The following ROBO2 variants were observed in gnomAD, a reference collection of about 807,000 sequenced individuals.
ROBO2 encodes roundabout guidance receptor 2.
In ROBO2, 53 loss-of-function variants were observed where a neutral mutation model predicts 160.8. That is an observed-to-expected ratio of 0.33 (90% CI 0.26 to 0.41). ROBO2 has a LOEUF of 0.41. Among genes scored for constraint, ROBO2 ranks in the 10% least tolerant of loss-of-function variants. The pLI is 1.00. For missense variants in ROBO2, 1,577 were observed against 1,722.4 expected (o/e 0.92, Z 1.49); for synonymous variants, 664 against 611.7 (o/e 1.09, Z -1.26).
chr3:76,621,133 T>TC (rs1253110148), intron 2 of ROBO2, among the ~76,000 whole-genome samples: 1 of 123,356 alleles, frequency 8.1e-6, no homozygotes, highest in Non-Finnish European at 1.9e-5. Context: ...AGTTTATGCT[T>TC]TTTTTTTTTT....
chr3:76,988,185 A>G (rs920391353), intron 2 of ROBO2, among the ~76,000 whole-genome samples: 7 of 152,250 alleles, frequency 4.6e-5, no homozygotes, highest in Non-Finnish European at 8.8e-5. Context: ...ATTTTTATTA[A>G]CCCTAAAGGT....
intron 2 of ROBO2, among the ~76,000 whole-genome samples, chr3:76,493,960 G>T (rs2079995164): frequency 6.6e-6 from 1 of 152,142 alleles, no homozygotes; most frequent in Non-Finnish European, 1.5e-5. Context: ...TGCTTTTAAA[G>T]TACGTCCATA....
intron 2 of ROBO2, among the ~76,000 whole-genome samples, chr3:76,331,356 T>C (rs1409727444): frequency 6.6e-6 from 1 of 152,156 alleles, no homozygotes; most frequent in Non-Finnish European, 1.5e-5. Context: ...GAATAACTTA[T>C]TTTTTATATA....
intron 2 of ROBO2, among the ~76,000 whole-genome samples, chr3:76,703,485 A>G (rs1255030806): frequency 1.3e-5 from 2 of 152,096 alleles, no homozygotes; most frequent in Non-Finnish European, 2.9e-5. Context: ...CACCTACATT[A>G]GGTATTTCTC....
intron 24 of ROBO2, among the ~76,000 whole-genome samples, chr3:77,639,446 AT>A (rs1389630713): frequency 6.6e-6 from 1 of 152,098 alleles, no homozygotes; most frequent in African/African-American, 2.4e-5. Flanking sequence ...GGGAGGAAGT[AT>A]TTTTAAGTAG....
intron 2 of ROBO2, among the ~76,000 whole-genome samples, chr3:76,068,887 A>G (rs1489097): frequency 0.62 from 94,787 of 151,996 alleles, 30,200 homozygotes; most frequent in African/African-American, 0.75. Flanking sequence ...TCCTTAAAAC[A>G]TATTTGTCAC....
At chr3:77,380,378 C>G (rs1188298988) in intron 2 of ROBO2, among the ~76,000 whole-genome samples, 2 of 152,114 alleles carry the variant, frequency 1.3e-5, no homozygotes, top group African/African-American at 2.4e-5. Flanking sequence ...TATCGTTCCT[C>G]TCTGTCATAT....
intron 2 of ROBO2, among the ~76,000 whole-genome samples, chr3:76,380,498 G>C (rs183429521): frequency 6.8e-4 from 104 of 152,212 alleles, no homozygotes; most frequent in Non-Finnish European, 8.2e-4. Context: ...CCCAGCCCAA[G>C]ACAGGAGGAC....
chr3:76,877,375 A>G (rs1290365885), intron 2 of ROBO2, among the ~76,000 whole-genome samples: 1 of 152,200 alleles, frequency 6.6e-6, no homozygotes, highest in Admixed American at 6.5e-5. Context: ...TTAATTTAGT[A>G]TTCTGTGCTC....
chr3:76,102,969 C>G, intron 2 of ROBO2, among the ~76,000 whole-genome samples: 1 of 151,944 alleles, frequency 6.6e-6, no homozygotes, highest in East Asian at 1.9e-4. Context: ...GGACTGCAGG[C>G]GCCGCCACCA....
intron 2 of ROBO2, among the ~76,000 whole-genome samples, chr3:75,939,071 G>C (rs534075084): frequency 2.6e-5 from 4 of 152,104 alleles, no homozygotes; most frequent in African/African-American, 9.6e-5. Context: ...CTGTTTCTCT[G>C]TAATAGTGAT....
At chr3:76,925,226 A>AT (rs763249721) in intron 2 of ROBO2, among the ~76,000 whole-genome samples, 14,972 of 150,300 alleles carry the variant, frequency 0.1, 942 homozygotes, top group African/African-American at 0.16. Flanking sequence ...AAAAAAAAAA[A>AT]AAAAATCTGG....
At chr3:76,325,034 G>T (rs1259351108) in intron 2 of ROBO2, among the ~76,000 whole-genome samples, 1 of 152,212 alleles carries the variant, frequency 6.6e-6, no homozygotes, top group Non-Finnish European at 1.5e-5. Context: ...GAACCCGGGA[G>T]GCGGAGCTTG....
intron 2 of ROBO2, among the ~76,000 whole-genome samples, chr3:77,393,709 A>G (rs1249705609): frequency 1.3e-5 from 2 of 151,330 alleles, no homozygotes; most frequent in Non-Finnish European, 2.9e-5. Context: ...AAGTTATTAC[A>G]TTCTGCACAG....
intron 1 of ROBO2, among the ~76,000 whole-genome samples, chr3:77,072,998 A>G (rs914022486): frequency 2.0e-5 from 3 of 152,232 alleles, no homozygotes; most frequent in African/African-American, 7.2e-5. Context: ...TTTTACAAAC[A>G]TGAACAGAAA....
At chr3:77,274,487 CTTTA>C (rs748778786) in intron 2 of ROBO2, among the ~76,000 whole-genome samples, 9 of 152,036 alleles carry the variant, frequency 5.9e-5, no homozygotes, top group Non-Finnish European at 1.3e-4. Context: ...TGAGTAACAA[CTTTA>C]TTTGTCACTT....
At chr3:76,784,859 A>G (rs1238540939) in intron 2 of ROBO2, among the ~76,000 whole-genome samples, 1 of 151,240 alleles carries the variant, frequency 6.6e-6, no homozygotes, top group Non-Finnish European at 1.5e-5. Context: ...GGGTTGGGCA[A>G]GACAAACATG....
chr3:76,684,718 T>G lies in ROBO2; in HGVS notation c.110-413296T>G, dbSNP rs549651240. On this transcript the variant is annotated intron_variant, in intron 2 of 26. Transcript: ENST00000487694. ...TGTAAAAATAAACAAAATAAAAACA[T>G]GTTTTCTTAAGGCTGTGCCCCCACA... 4.6e-5 allele frequency among the ~76,000 whole-genome samples: 7 copies of G among 152,260 alleles called. No homozygotes were observed. The South Asian group carries it at 1.5e-3, about 32-fold the overall frequency.
At chr3:77,469,507 A>G (rs2083136202) in intron 2 of ROBO2, among the ~76,000 whole-genome samples, 1 of 152,124 alleles carries the variant, frequency 6.6e-6, no homozygotes. Context: ...GGCTAGGGGA[A>G]TAATCTGTGG....
Sources: allele counts gnomAD v4.1 joint callset (sites outside exome capture counted in the v4.1 genomes callset), GRCh38; gene constraint gnomAD v4.1.1; transcripts MANE v1.5; gene names NCBI Gene and HGNC (gene_info 2026-07-23, HGNC 2026-07-21).